The following UNC13C variants were observed in gnomAD, a reference collection of about 807,000 sequenced individuals.
UNC13C encodes protein unc-13 homolog C.
In UNC13C, 174 loss-of-function variants were observed where a neutral mutation model predicts 245.4. That is an observed-to-expected ratio of 0.71 (90% CI 0.63 to 0.80). UNC13C has a LOEUF of 0.80. UNC13C is among the 30% of genes least tolerant of loss of function. The pLI is 0.00. For missense variants in UNC13C, 2,829 were observed against 2,602.9 expected, an observed-to-expected ratio of 1.09 and a Z score of -1.89; for synonymous variants, 992 against 895.1, an observed-to-expected ratio of 1.11 and a Z score of -1.93.
At chr15:54,006,907 G>C (rs1397267592) in intron 1 of UNC13C, among the ~76,000 whole-genome samples, 1 of 152,134 alleles carries the variant, frequency 6.6e-6, no homozygotes, top group East Asian at 1.9e-4. Flanking sequence ...ATGCTGTTTT[G>C]CACAGGGGCC....
intron 2 of UNC13C, among the ~76,000 whole-genome samples, chr15:54,035,992 T>C (rs1896563783): frequency 1.3e-5 from 2 of 152,208 alleles, no homozygotes; most frequent in Non-Finnish European, 2.9e-5. Context: ...TCTTCCCATC[T>C]AGGAATTGAG....
chr15:53,989,887 G>C (rs1258458697), intron 1 of UNC13C, among the ~76,000 whole-genome samples: 1 of 152,006 alleles, frequency 6.6e-6, no homozygotes, highest in Non-Finnish European at 1.5e-5. Context: ...AGAGTTTGGA[G>C]ATCTCTGACA....
At chr15:54,095,050 G>T (rs187719192) in intron 2 of UNC13C, among the ~76,000 whole-genome samples, 1 of 152,254 alleles carries the variant, frequency 6.6e-6, no homozygotes, top group African/African-American at 2.4e-5. Flanking sequence ...ACACAGGTAT[G>T]GTCCACATTT....
chr15:54,334,940 A>G (rs1246620108), intron 16 of UNC13C, among the ~76,000 whole-genome samples: 5 of 151,798 alleles, frequency 3.3e-5, no homozygotes, highest in Non-Finnish European at 7.4e-5. Flanking sequence ...TTCTTCCCCA[A>G]CCCTCACTAC....
chr15:54,050,432 T>C, intron 2 of UNC13C: 1 of 553,800 alleles, frequency 1.8e-6, no homozygotes, highest in South Asian at 1.4e-5. Context: ...AGTCAGGAGC[T>C]GACCTGGGCT....
At chr15:54,222,561 C>G (rs1433638101) in intron 4 of UNC13C, among the ~76,000 whole-genome samples, 1 of 152,098 alleles carries the variant, frequency 6.6e-6, no homozygotes, top group African/African-American at 2.4e-5. Flanking sequence ...CATGAGAGAG[C>G]AGGTATCTCT....
chr15:53,925,129 A>G, the UNC13C span, among the ~76,000 whole-genome samples: 2 of 152,204 alleles, frequency 1.3e-5, no homozygotes, highest in Non-Finnish European at 2.9e-5. Context: ...ATCTGTTTAC[A>G]TTATTTTGTG....
At chr15:53,978,400 C>A (rs1038856113), upstream of UNC13C, among the ~76,000 whole-genome samples, 1 of 152,100 alleles carries the variant, frequency 6.6e-6, no homozygotes, top group Non-Finnish European at 1.5e-5. Context: ...CGGGCGCTCT[C>A]GGTGGAGGAG....
chr15:53,969,545 G>C, the UNC13C span, among the ~76,000 whole-genome samples: 1 of 151,804 alleles, frequency 6.6e-6, no homozygotes, highest in Admixed American at 6.6e-5. Context: ...AAATAGCCAG[G>C]CATGGTGGCA....
intron 4 of UNC13C, among the ~76,000 whole-genome samples, chr15:54,218,850 A>C (rs926589346): frequency 7.2e-5 from 11 of 151,964 alleles, no homozygotes; most frequent in African/African-American, 2.7e-4. Context: ...TCTACAACAT[A>C]CATTTTTAAT....
the UNC13C span, among the ~76,000 whole-genome samples, chr15:53,928,684 G>A: frequency 6.6e-6 from 1 of 152,188 alleles, no homozygotes; most frequent in Admixed American, 6.5e-5. Flanking sequence ...GTGAGTTCTT[G>A]CAGTTGGGAT....
At chr15:54,023,609 C>A (rs1032743874) in intron 2 of UNC13C, among the ~76,000 whole-genome samples, 1 of 152,052 alleles carries the variant, frequency 6.6e-6, no homozygotes, top group Non-Finnish European at 1.5e-5. Flanking sequence ...GTAAGAAATT[C>A]AAAAGGATAT....
chr15:54,579,888 T>A (rs1258881194), intron 30 of UNC13C, among the ~76,000 whole-genome samples: 1 of 152,248 alleles, frequency 6.6e-6, no homozygotes. Flanking sequence ...AGTGCCGAGT[T>A]AATGATAAAG....
chr15:53,840,806 A>G, the UNC13C span, among the ~76,000 whole-genome samples: 1 of 152,194 alleles, frequency 6.6e-6, no homozygotes, highest in Admixed American at 6.5e-5. Flanking sequence ...ATATGTGACC[A>G]GAGCAAGTAT....
chr15:54,486,347 G>C (rs138193736), intron 19 of UNC13C, among the ~76,000 whole-genome samples: 1 of 149,904 alleles, frequency 6.7e-6, no homozygotes, highest in African/African-American at 2.5e-5. Flanking sequence ...TGAAGCAGGC[G>C]AATCACTTGA....
Position 54,014,761 on chromosome 15 carries a change from G to A in UNC13C, c.1858G>A (p.Glu620Lys). ...VQGIQGQTET[E>K]NTETVDSGMS... Reference sequence around the variant, plus strand: ...GGGTATCCAAGGGCAGACTGAAACTGAAAACACAGAAACTGTGGATAGTGG... The same window carrying A: ...GGGTATCCAAGGGCAGACTGAAACTAAAAACACAGAAACTGTGGATAGTGG... The change falls in exon 2 of 33, where the codon GAA becomes AAA. Residue 620 changes from glutamate to lysine, a missense_variant. Coordinates refer to ENST00000260323, the MANE Select transcript of UNC13C (RefSeq NM_001080534.3). The A allele has an allele frequency of 6.2e-7, 1 of 1,613,888 alleles. No individual in the cohort carries two copies. Among genetic ancestry groups the A allele is most frequent in the Non-Finnish European group, 8.5e-7 (1 of 1,179,842 alleles).
At chr15:54,549,207 T>G (rs943348557) in intron 27 of UNC13C, among the ~76,000 whole-genome samples, 1 of 152,194 alleles carries the variant, frequency 6.6e-6, no homozygotes, top group East Asian at 1.9e-4. Flanking sequence ...GGGTAGTCGC[T>G]AATAGACTGG....
intron 18 of UNC13C, among the ~76,000 whole-genome samples, chr15:54,406,335 T>G (rs897563995): frequency 6.6e-6 from 1 of 152,148 alleles, no homozygotes; most frequent in African/African-American, 2.4e-5. Flanking sequence ...CCTTTTGATA[T>G]AGGAGCAGCA....
chr15:54,348,135 A>G (rs1250067667), intron 17 of UNC13C, among the ~76,000 whole-genome samples: 1 of 152,202 alleles, frequency 6.6e-6, no homozygotes, highest in Non-Finnish European at 1.5e-5. Flanking sequence ...ACAACTGCCT[A>G]CAGCATGTAC....
Sources: allele counts gnomAD v4.1 joint callset (sites outside exome capture counted in the v4.1 genomes callset), GRCh38; gene constraint gnomAD v4.1.1; transcripts MANE v1.5; gene names NCBI Gene and HGNC (gene_info 2026-07-23, HGNC 2026-07-21).